HPSE2: variants seen among roughly 807,000 people sequenced by gnomAD.
HPSE2 encodes inactive heparanase-2.
In HPSE2, 38 loss-of-function variants were observed where a neutral mutation model predicts 60.5. The ratio of observed to expected loss-of-function variants is 0.63; its 90% CI spans 0.48 to 0.82. HPSE2 has a LOEUF of 0.82. HPSE2 is among the 40% of genes least tolerant of loss of function. The pLI is 0.00. For missense variants in HPSE2, 713 were observed against 740.4 expected, an observed-to-expected ratio of 0.96 and a Z score of 0.43; for synonymous variants, 295 against 293.2, an observed-to-expected ratio of 1.01 and a Z score of -0.06.
chr10:98,766,965 C>A (rs7906326), intron 3 of HPSE2, among the ~76,000 whole-genome samples: 107,637 of 151,998 alleles, frequency 0.71, 39,140 homozygotes, highest in South Asian at 0.81. Flanking sequence ...ACAATATTAA[C>A]TCAATGTAAT....
intron 6 of HPSE2, among the ~76,000 whole-genome samples, chr10:98,670,704 AT>A (rs1947483149): frequency 6.6e-6 from 1 of 152,232 alleles, no homozygotes; most frequent in Non-Finnish European, 1.5e-5. Flanking sequence ...AACCGATGTT[AT>A]TCATAGATTC....
At chr10:98,607,318 T>C (rs1945621026) in intron 9 of HPSE2, among the ~76,000 whole-genome samples, 1 of 152,170 alleles carries the variant, frequency 6.6e-6, no homozygotes. Flanking sequence ...GGCCACACAA[T>C]TTGCTGTAGC....
intron 9 of HPSE2, among the ~76,000 whole-genome samples, chr10:98,570,451 A>ATTTT (rs10636449): frequency 0.34 from 50,504 of 147,524 alleles, 8,710 homozygotes; most frequent in East Asian, 0.52. Flanking sequence ...GTTTTTGTGG[A>ATTTT]TTTTTTTTTT....
intron 3 of HPSE2, among the ~76,000 whole-genome samples, chr10:98,929,110 C>G (rs958127553): frequency 7.0e-6 from 1 of 143,072 alleles, no homozygotes; most frequent in African/African-American, 2.9e-5. Context: ...AGAATTCTAC[C>G]ACAAACCCAT....
intron 2 of HPSE2, among the ~76,000 whole-genome samples, chr10:99,224,073 C>T (rs914940010): frequency 6.6e-6 from 1 of 152,054 alleles, no homozygotes; most frequent in Admixed American, 6.6e-5. Context: ...CTTGAGAGTA[C>T]AGTTCATGTT....
At chr10:98,511,744 A>G (rs1005631029) in intron 9 of HPSE2, among the ~76,000 whole-genome samples, 5 of 152,152 alleles carry the variant, frequency 3.3e-5, no homozygotes, top group Non-Finnish European at 5.9e-5. Flanking sequence ...AAATGATCAA[A>G]TTAAGATTCA....
chr10:98,472,492 G>C (rs1940819121), intron 11 of HPSE2, among the ~76,000 whole-genome samples: 1 of 152,210 alleles, frequency 6.6e-6, no homozygotes. Flanking sequence ...AAAGATGTCT[G>C]ATTCTAAGTC....
chr10:98,950,820 T>C (rs1242310427), intron 3 of HPSE2, among the ~76,000 whole-genome samples: 2 of 152,320 alleles, frequency 1.3e-5, no homozygotes, highest in East Asian at 1.9e-4. Context: ...GACAACATGC[T>C]ACCTTTTCCA....
intron 3 of HPSE2, among the ~76,000 whole-genome samples, chr10:99,097,693 C>A (rs11189966): frequency 0.51 from 77,210 of 151,998 alleles, 21,386 homozygotes; most frequent in East Asian, 0.65. Context: ...CTGCAAAATT[C>A]AGCAAGATTT....
rs867542964 is a variant in HPSE2 at position 99,184,805 on chromosome 10, T to C, written c.449-40406A>G. ...CCAAAATTATATATATATATATATA[T>C]ATATATATATATATAGAGAGAGAGA... On this transcript the variant is annotated intron_variant, in intron 2 of 11. Transcript: ENST00000370552. Among the ~76,000 whole-genome samples, 21 of 35,006 alleles carry C rather than the reference T, an allele frequency of 6.0e-4. 3 individuals carry two copies. Among genetic ancestry groups the C allele is most frequent in the Middle Eastern group, 0.032 (2 of 62 alleles). The allele number at this position is 35,006 out of a possible 152,430, so 23.0% of individuals were successfully genotyped here.
At chr10:98,504,784 C>T (rs1211260777) in intron 9 of HPSE2, among the ~76,000 whole-genome samples, 2 of 141,440 alleles carry the variant, frequency 1.4e-5, no homozygotes, top group Non-Finnish European at 3.0e-5. Context: ...AGGGAGACTC[C>T]GTCTCAAAAA....
At chr10:98,570,023 A>C (rs1944450445) in intron 9 of HPSE2, among the ~76,000 whole-genome samples, 1 of 152,248 alleles carries the variant, frequency 6.6e-6, no homozygotes. Flanking sequence ...TCTCTGAGAC[A>C]GCTGTTTTGT....
At chr10:98,721,154 G>A (rs1948913206) in intron 5 of HPSE2, among the ~76,000 whole-genome samples, 1 of 151,612 alleles carries the variant, frequency 6.6e-6, no homozygotes, top group Non-Finnish European at 1.5e-5. Flanking sequence ...GTCAGATTCA[G>A]TCAAAACTAA....
intron 9 of HPSE2, among the ~76,000 whole-genome samples, chr10:98,581,098 G>A (rs1340192486): frequency 6.6e-6 from 1 of 151,388 alleles, no homozygotes; most frequent in African/African-American, 2.4e-5. Flanking sequence ...GTGCCAACAC[G>A]CCTGGCTAAT....
rs546269702 is a variant in HPSE2 at position 99,204,663 on chromosome 10, C to T, written c.448+27685G>A. On this transcript the variant is annotated intron_variant, in intron 2 of 11. Coordinates refer to ENST00000370552, the MANE Select transcript of HPSE2 (RefSeq NM_021828.5). Reference sequence around the variant, plus strand: ...GAAAATACAGTAGACCTGTGACCAGCACCATGTAAATAAACTCCATGGGTT... The same window carrying T: ...GAAAATACAGTAGACCTGTGACCAGTACCATGTAAATAAACTCCATGGGTT... Among the ~76,000 whole-genome samples the T allele has an allele frequency of 4.6e-5, 7 of 152,200 alleles. No individual in the cohort carries two copies. The East Asian group carries it at 1.3e-3, about 29-fold the overall frequency.
intron 11 of HPSE2, among the ~76,000 whole-genome samples, chr10:98,481,656 C>A (rs1029393239): frequency 7.9e-5 from 12 of 152,164 alleles, no homozygotes; most frequent in African/African-American, 2.9e-4. Context: ...TTGTTTTTTG[C>A]TCCCATTGCA....
At chr10:98,729,421 A>C (rs1340017983) in intron 4 of HPSE2, among the ~76,000 whole-genome samples, 3 of 152,080 alleles carry the variant, frequency 2.0e-5, no homozygotes, top group Non-Finnish European at 4.4e-5. Context: ...CATCCTGGCT[A>C]ACACAGTGAA....
chr10:98,847,103 C>G (rs770688538), intron 3 of HPSE2, among the ~76,000 whole-genome samples: 1 of 152,148 alleles, frequency 6.6e-6, no homozygotes, highest in Non-Finnish European at 1.5e-5. Context: ...CACCATTTAC[C>G]TTCAGATTCA....
chr10:98,702,674 C>T (rs1948442274), intron 5 of HPSE2, among the ~76,000 whole-genome samples: 1 of 152,144 alleles, frequency 6.6e-6, no homozygotes, highest in African/African-American at 2.4e-5. Flanking sequence ...ACAACCTGCT[C>T]CTGAATGACT....
Sources: gnomAD v4.1 joint callset for allele counts (sites outside exome capture counted in the v4.1 genomes callset) on GRCh38, gnomAD v4.1.1 for gene constraint, MANE v1.5 for transcripts, NCBI Gene and HGNC (gene_info 2026-07-23, HGNC 2026-07-21) for gene names.